Variants in KAZN observed in about 807,000 individuals in gnomAD.
KAZN encodes the protein kazrin.
In KAZN, 40 loss-of-function variants were observed where a neutral mutation model predicts 87.4. The ratio of observed to expected loss-of-function variants is 0.46; its 90% confidence interval spans 0.36 to 0.60. KAZN has a LOEUF of 0.60. KAZN is among the 20% of genes least tolerant of loss of function. The pLI is 0.00. For synonymous variants in KAZN, 466 were observed against 458.3 expected (o/e 1.02, Z -0.22); for missense variants, 898 against 1,073.9 (o/e 0.84, Z 2.29).
intron 1 of KAZN, among the ~76,000 whole-genome samples, chr1:14,852,577 G>T (rs1392646011): frequency 1.3e-5 from 2 of 152,144 alleles, no homozygotes; most frequent in Admixed American, 1.3e-4. Context: ...CTCTGCCCAT[G>T]CCAGGACTAG....
At chr1:14,178,197 C>T (rs1048522996) in intron 1 of KAZN, among the ~76,000 whole-genome samples, 9 of 152,274 alleles carry the variant, frequency 5.9e-5, no homozygotes, top group African/African-American at 1.9e-4. Context: ...GCCTCCCCAG[C>T]CATGCGGAAC....
intron 1 of KAZN, among the ~76,000 whole-genome samples, chr1:14,829,309 G>T (rs1161276131): frequency 6.6e-6 from 1 of 152,210 alleles, no homozygotes; most frequent in Non-Finnish European, 1.5e-5. Context: ...GAGAAATTGT[G>T]CTAGGATAAG....
At chr1:14,442,059 T>C (rs186300745) in intron 2 of KAZN, among the ~76,000 whole-genome samples, 13 of 152,328 alleles carry the variant, frequency 8.5e-5, no homozygotes, top group South Asian at 6.2e-4. Flanking sequence ...AGCTAGGCTT[T>C]GTCCCCCTGC....
In KAZN at chr1:14,071,582, A is replaced by G. The variant is rs539638351; in HGVS notation, c.92-108853A>G. ...GCATGGAACTCAGCATCCTGTCAGC[A>G]TTGTGAGTGCTGGCAGCTCTGGGAA... On this transcript the variant is annotated intron_variant, in intron 1 of 16. Coordinates refer to the KAZN transcript ENST00000636203. Among the ~76,000 whole-genome samples, 96 of 152,346 alleles carry G rather than the reference A, an allele frequency of 6.3e-4. 1 individual carries two copies. The South Asian group carries it at 0.019, about 30-fold the overall frequency.
At chr1:14,939,127 C>T (rs1405935135) in intron 1 of KAZN, among the ~76,000 whole-genome samples, 1 of 152,108 alleles carries the variant, frequency 6.6e-6, no homozygotes, top group African/African-American at 2.4e-5. Context: ...CACCCACCAC[C>T]ACACCAGGCT....
At chr1:14,938,135 G>A (rs1019147324) in intron 1 of KAZN, among the ~76,000 whole-genome samples, 1 of 152,172 alleles carries the variant, frequency 6.6e-6, no homozygotes, top group Non-Finnish European at 1.5e-5. Context: ...TGTTCCAACA[G>A]TGGGGACCCT....
chr1:14,984,877 C>T (rs750082411), intron 2 of KAZN, among the ~76,000 whole-genome samples: 39 of 152,138 alleles, frequency 2.6e-4, no homozygotes, highest in Non-Finnish European at 8.8e-5. Context: ...GAAAGGAGGG[C>T]CTGTAATCCC....
chr1:15,019,049 C>T (rs1335373992), intron 2 of KAZN, among the ~76,000 whole-genome samples: 4 of 152,170 alleles, frequency 2.6e-5, no homozygotes, highest in Middle Eastern at 3.2e-3. Flanking sequence ...TGCTGTGAGT[C>T]CCAGCCAGAC....
intron 1 of KAZN, among the ~76,000 whole-genome samples, chr1:14,019,564 C>A (rs776479757): frequency 6.6e-6 from 1 of 152,188 alleles, no homozygotes; most frequent in African/African-American, 2.4e-5. Context: ...TACAACAGAA[C>A]CTCCACCTGC....
chr1:14,254,121 T>C (rs747806993), intron 2 of KAZN, among the ~76,000 whole-genome samples: 2 of 152,238 alleles, frequency 1.3e-5, no homozygotes, highest in Non-Finnish European at 2.9e-5. Flanking sequence ...CCCCTGGTTT[T>C]CTAATTAGGG....
chr1:14,314,791 C>G (rs1171703274), intron 2 of KAZN, among the ~76,000 whole-genome samples: 3 of 152,044 alleles, frequency 2.0e-5, no homozygotes, highest in African/African-American at 7.2e-5. Flanking sequence ...ATTTTCATTA[C>G]TCCCCAAAAA....
chr1:14,614,675 C>T (rs764908412), intron 1 of KAZN, among the ~76,000 whole-genome samples: 2 of 152,190 alleles, frequency 1.3e-5, no homozygotes, highest in Non-Finnish European at 2.9e-5. Context: ...TCAAGATTGA[C>T]CACTAAAGAA....
At chr1:14,715,895 T>C (rs2100245873) in intron 1 of KAZN, among the ~76,000 whole-genome samples, 1 of 152,300 alleles carries the variant, frequency 6.6e-6, no homozygotes, top group African/African-American at 2.4e-5. Context: ...TTTCTAAACA[T>C]TGAAGCCATC....
chr1:14,412,822 T>C (rs1664412524), intron 2 of KAZN, among the ~76,000 whole-genome samples: 1 of 151,324 alleles, frequency 6.6e-6, no homozygotes, highest in Non-Finnish European at 1.5e-5. Context: ...AAGAACAATA[T>C]GGGGAGGGGA....
intron 1 of KAZN, among the ~76,000 whole-genome samples, chr1:13,971,719 T>A (rs1409275317): frequency 6.6e-6 from 1 of 152,164 alleles, no homozygotes; most frequent in African/African-American, 2.4e-5. Context: ...GTGCTGGAAG[T>A]GGGGCCTGAT....
chr1:14,223,103 C>T (rs1027686202), intron 2 of KAZN: 1 of 152,178 alleles, frequency 6.6e-6, no homozygotes, highest in African/African-American at 2.4e-5. Context: ...AAGTTGGGTT[C>T]AGACTTTTTT....
chr1:14,060,700 G>A, intron 1 of KAZN, among the ~76,000 whole-genome samples: 1 of 152,192 alleles, frequency 6.6e-6, no homozygotes, highest in Admixed American at 6.5e-5. Context: ...GATAACTTCT[G>A]AGTGAGATTA....
intron 1 of KAZN, among the ~76,000 whole-genome samples, chr1:13,957,871 G>T (rs1008242471): frequency 6.6e-6 from 1 of 152,062 alleles, no homozygotes; most frequent in African/African-American, 2.4e-5. Flanking sequence ...GACTTGGAAG[G>T]GACAAACATC....
intron 8 of KAZN, among the ~76,000 whole-genome samples, chr1:15,071,666 C>T (rs1639513046): frequency 1.3e-5 from 2 of 152,180 alleles, no homozygotes; most frequent in African/African-American, 4.8e-5. Context: ...AAACTGAATC[C>T]TTGAGAAAAT....
Sources: gnomAD v4.1 joint callset for allele counts (sites outside exome capture counted in the v4.1 genomes callset) on GRCh38, gnomAD v4.1.1 for gene constraint, MANE v1.5 for transcripts, NCBI Gene and HGNC (gene_info 2026-07-23, HGNC 2026-07-21) for gene names.